The following RNF38 variants were observed in gnomAD, a reference collection of about 807,000 sequenced individuals.
The protein encoded by RNF38 is ring finger protein 38.
A neutral mutation model predicts 67.2 loss-of-function variants in RNF38; 15 were observed. The ratio of observed to expected loss-of-function variants is 0.22; its 90% CI spans 0.15 to 0.34. The LOEUF (loss-of-function observed/expected upper bound fraction) is 0.34, where lower values mean the gene tolerates loss of function less well. Ranked by LOEUF, RNF38 falls within the 10% of genes least tolerant of loss-of-function variation. The pLI, the probability that RNF38 is intolerant of heterozygous loss-of-function variation, is 1.00. For synonymous variants in RNF38, 220 were observed against 218.8 expected, an observed-to-expected ratio of 1.01 and a Z score of -0.05; for missense variants, 524 against 639.9, an observed-to-expected ratio of 0.82 and a Z score of 1.95.
chr9:36,374,029 T>C (rs550860354), intron 3 of RNF38, among the ~76,000 whole-genome samples: 2 of 152,318 alleles, frequency 1.3e-5, no homozygotes, highest in African/African-American at 4.8e-5. Context: ...CATCATAAAA[T>C]AGGAAGACTA....
intron 1 of RNF38, among the ~76,000 whole-genome samples, chr9:36,398,578 G>A (rs751840725): frequency 7.2e-5 from 11 of 152,038 alleles, no homozygotes; most frequent in Non-Finnish European, 1.3e-4. Context: ...ATTAATTAAC[G>A]TTTGCTGATG....
chr9:36,450,778 G>A (rs1839418104), intron 1 of RNF38, among the ~76,000 whole-genome samples: 2 of 152,190 alleles, frequency 1.3e-5, no homozygotes, highest in African/African-American at 4.8e-5. Context: ...GCCTGGCGTG[G>A]TGGTTCATGC....
intron 1 of RNF38, among the ~76,000 whole-genome samples, chr9:36,479,092 TAAC>T (rs1253292768): frequency 6.6e-6 from 1 of 152,168 alleles, no homozygotes; most frequent in Non-Finnish European, 1.5e-5. Flanking sequence ...CTGTCACTAT[TAAC>T]AACAACGCTC....
rs1387316743 is a variant in RNF38, at chr9:36,369,783, C to T, written c.506G>A (p.Arg169His). 11 of 1,613,786 alleles carry T rather than the reference C, an allele frequency of 6.8e-6. No individual in the cohort carries two copies. Among genetic ancestry groups the T allele is most frequent in the African/African-American group, 1.3e-5 (1 of 74,858 alleles). Residue 169 changes from arginine to histidine, a missense_variant, in exon 4 of 12, where the codon CGT (arginine) becomes CAT (histidine). By Grantham distance (29) the Arg-to-His change is conservative. Around this residue, in one of 2 missense-constraint regions of RNF38, gnomAD observed 461 missense variants for 517.4 expected, o/e 0.89. Coordinates refer to ENST00000259605, the MANE Select transcript of RNF38 (RefSeq NM_022781.5). ...RAFHPPNVSPRLLHPAAHPPQ... is the reference protein window; with the variant it reads ...RAFHPPNVSPHLLHPAAHPPQ... The stretch of plus-strand genomic sequence containing the variant: ...TGGATGAGCAGCAGGATGTAGCAGA[C>T]GGGGAGATACATTCGGAGGGTGGAA...
chr9:36,353,784 T>C, intron 6 of RNF38, among the ~76,000 whole-genome samples: 1 of 152,238 alleles, frequency 6.6e-6, no homozygotes, highest in Middle Eastern at 3.2e-3. Flanking sequence ...AGAGGCATTA[T>C]GCTGTGCAGA....
At chr9:36,449,998 T>C (rs925055041) in intron 1 of RNF38, among the ~76,000 whole-genome samples, 9 of 152,236 alleles carry the variant, frequency 5.9e-5, no homozygotes, top group African/African-American at 1.4e-4. Context: ...AACTGCACTA[T>C]TGAATTCCCT....
intron 10 of RNF38, among the ~76,000 whole-genome samples, chr9:36,343,379 T>C (rs895190461): frequency 6.6e-6 from 1 of 152,208 alleles, no homozygotes; most frequent in Non-Finnish European, 1.5e-5. Context: ...GTGAGATCTA[T>C]AATATGTATA....
intron 4 of RNF38, among the ~76,000 whole-genome samples, chr9:36,367,134 T>G (rs1221871187): frequency 1.3e-5 from 2 of 152,216 alleles, no homozygotes; most frequent in Non-Finnish European, 2.9e-5. Context: ...CCTTGATTTT[T>G]GTCCCCTTTG....
At chr9:36,418,653 GT>G (rs1838536555) in intron 2 of RNF38, among the ~76,000 whole-genome samples, 1 of 152,136 alleles carries the variant, frequency 6.6e-6, no homozygotes, top group Admixed American at 6.5e-5. Context: ...AAATGTGGTG[GT>G]ACGCGCCTGT....
rs564414510 is a variant in RNF38 at position 36,357,644 on chromosome 9, T to C, written c.738+131A>G. 3.1e-5 allele frequency: 17 copies of C among 557,102 alleles called. No individual in the cohort carries two copies. The Admixed American group carries it at 4.3e-4, about 14-fold the overall frequency. The allele number at this position is 557,102 out of a possible 1,614,324, so 34.5% of individuals were successfully genotyped here. ...TGAAAGTGAAACTACAAAGACAGTC[T>C]CTTAAATTTTGTTTGCTTATATAAT... On this transcript the variant is annotated intron_variant, in intron 5 of 11. Transcript: ENST00000259605.
At chr9:36,396,711 A>G (rs1045431387) in intron 1 of RNF38, among the ~76,000 whole-genome samples, 2 of 152,140 alleles carry the variant, frequency 1.3e-5, no homozygotes, top group African/African-American at 4.8e-5. Context: ...AGAAATGTTC[A>G]AAATGTAACC....
chr9:36,394,973 A>T (rs1837409080), intron 1 of RNF38, among the ~76,000 whole-genome samples: 1 of 152,236 alleles, frequency 6.6e-6, no homozygotes. Flanking sequence ...CCTGCCAAGG[A>T]AACATCCTGA....
chr9:36,457,800 G>A (rs560127058), intron 1 of RNF38, among the ~76,000 whole-genome samples: 11 of 151,738 alleles, frequency 7.2e-5, no homozygotes, highest in African/African-American at 1.4e-4. Context: ...CTGAGATCAC[G>A]TCACTGCACT....
chr9:36,376,073 A>G lies in RNF38; in HGVS notation c.217T>C (p.Tyr73His). 2 of 1,611,998 alleles carry G rather than the reference A, an allele frequency of 1.2e-6. No individual in the cohort carries two copies. Among genetic ancestry groups the G allele is most frequent in the Non-Finnish European group, 1.7e-6 (2 of 1,179,408 alleles). Residue 73 changes from tyrosine to histidine, a missense_variant, in exon 3 of 12, where the codon TAT (tyrosine) becomes CAT (histidine). By Grantham distance (83) the Tyr-to-His change is moderately conservative. Coordinates refer to ENST00000259605, the MANE Select transcript of RNF38 (RefSeq NM_022781.5). ...RQRLSHSVFD[Y>H]TSASPAPSPP... ...GAGGGAGCTGGTGATGCTGATGTAT[A>G]ATCAAAGACTGAATGAGAGAGGCGC...
upstream of RNF38, chr9:36,400,870 G>A (rs1208302907): frequency 7.2e-5 from 68 of 941,412 alleles, no homozygotes; most frequent in Non-Finnish European, 7.9e-5. Flanking sequence ...CCGCAACACC[G>A]CACTAGGGGC....
chr9:36,355,775 G>A (rs965191995), intron 6 of RNF38, among the ~76,000 whole-genome samples: 3 of 152,034 alleles, frequency 2.0e-5, no homozygotes, highest in Admixed American at 2.0e-4. Flanking sequence ...TAAGGTAAAC[G>A]TTTATACTAA....
intron 1 of RNF38, among the ~76,000 whole-genome samples, chr9:36,399,490 T>G (rs1055346832): frequency 7.4e-5 from 6 of 80,990 alleles, no homozygotes; most frequent in Non-Finnish European, 1.7e-4. Context: ...TATAAATATA[T>G]ATAATATATT....
At chr9:36,407,593 G>T (rs1363640590) in intron 2 of RNF38, among the ~76,000 whole-genome samples, 3 of 152,158 alleles carry the variant, frequency 2.0e-5, no homozygotes, top group Non-Finnish European at 2.9e-5. Flanking sequence ...TCAACCTCTA[G>T]AACAGGGTAA....
intron 4 of RNF38, among the ~76,000 whole-genome samples, chr9:36,367,058 G>C (rs775061904): frequency 2.6e-5 from 4 of 152,122 alleles, no homozygotes; most frequent in Non-Finnish European, 5.9e-5. Context: ...GGTATACAGC[G>C]ACTTAAAGTG....
Sources: allele counts gnomAD v4.1 joint callset (sites outside exome capture counted in the v4.1 genomes callset), GRCh38; gene constraint gnomAD v4.1.1; regional missense constraint gnomAD v4.1.1; transcripts MANE v1.5; gene names NCBI Gene and HGNC (gene_info 2026-07-23, HGNC 2026-07-21).